Variants in RUNX2 observed in about 807,000 individuals in gnomAD.
RUNX2 encodes the protein runt-related transcription factor 2.
A neutral mutation model predicts 51.7 loss-of-function variants in RUNX2; 10 were observed. The ratio of observed to expected loss-of-function variants is 0.19; its 90% CI spans 0.12 to 0.33. The LOEUF (loss-of-function observed/expected upper bound fraction) is 0.33, where lower values mean the gene tolerates loss of function less well. RUNX2 is among the 10% of genes least tolerant of loss of function. The pLI is 1.00. For missense variants in RUNX2, 562 were observed against 691.3 expected (o/e 0.81, Z 2.10); for synonymous variants, 276 against 273.6 (o/e 1.01, Z -0.09).
intron 2 of RUNX2, among the ~76,000 whole-genome samples, chr6:45,404,959 T>C (rs2150353989): frequency 6.6e-6 from 1 of 152,384 alleles, no homozygotes; most frequent in Admixed American, 6.5e-5. Flanking sequence ...CTTATCCCGG[T>C]TGCTGGAAAA....
intron 2 of RUNX2, among the ~76,000 whole-genome samples, chr6:45,343,233 G>A (rs1303733298): frequency 1.3e-5 from 2 of 152,028 alleles, no homozygotes; most frequent in Non-Finnish European, 2.9e-5. Flanking sequence ...ATCTCAGCCG[G>A]GTGCAGTGGC....
intron 2 of RUNX2, among the ~76,000 whole-genome samples, chr6:45,398,571 T>A (rs971299873): frequency 6.6e-6 from 1 of 152,206 alleles, no homozygotes; most frequent in African/African-American, 2.4e-5. Context: ...TTTTAACAAG[T>A]ATTTCTTGAC....
intron 2 of RUNX2, among the ~76,000 whole-genome samples, chr6:45,342,660 C>T (rs558353693): frequency 6.6e-6 from 1 of 152,088 alleles, no homozygotes; most frequent in Non-Finnish European, 1.5e-5. Context: ...ATTTTGGAAG[C>T]CTTTTTTTTT....
chr6:45,535,132 A>G (rs567968259), intron 7 of RUNX2, among the ~76,000 whole-genome samples: 1 of 152,288 alleles, frequency 6.6e-6, no homozygotes, highest in African/African-American at 2.4e-5. Context: ...AGGATAAATA[A>G]CTAATGGGTG....
At chr6:45,495,060 A>T (rs935644705) in intron 6 of RUNX2, among the ~76,000 whole-genome samples, 1 of 152,176 alleles carries the variant, frequency 6.6e-6, no homozygotes, top group South Asian at 2.1e-4. Flanking sequence ...CTCCAAGGCC[A>T]CTGTGTTATC....
intron 2 of RUNX2, among the ~76,000 whole-genome samples, chr6:45,405,631 A>G (rs1797817913): frequency 6.6e-6 from 1 of 152,206 alleles, no homozygotes. Flanking sequence ...TCTACTGAAA[A>G]TACAAAAATT....
intron 2 of RUNX2, among the ~76,000 whole-genome samples, chr6:45,412,343 G>C (rs985654453): frequency 6.6e-6 from 1 of 151,970 alleles, no homozygotes; most frequent in Admixed American, 6.6e-5. Flanking sequence ...GTGACAGAGA[G>C]AGACCCTGTC....
chr6:45,497,374 C>A (rs1438695900), intron 6 of RUNX2, among the ~76,000 whole-genome samples: 1 of 152,154 alleles, frequency 6.6e-6, no homozygotes, highest in Non-Finnish European at 1.5e-5. Flanking sequence ...AGATTCTGGA[C>A]ACTTCTGCAT....
chr6:45,421,820 C>A (rs1211280182), intron 2 of RUNX2: 2 of 151,916 alleles, frequency 1.3e-5, no homozygotes, highest in African/African-American at 4.8e-5. Context: ...ATTCGTTGCC[C>A]CGAGATCCGC....
chr6:45,436,279 T>C (rs1043706876), intron 4 of RUNX2, among the ~76,000 whole-genome samples: 5 of 152,028 alleles, frequency 3.3e-5, no homozygotes, highest in African/African-American at 7.2e-5. Context: ...CTTAAGGAAG[T>C]GGCCAAGTGA....
intron 5 of RUNX2, among the ~76,000 whole-genome samples, chr6:45,443,618 A>G (rs918665524): frequency 8.5e-5 from 13 of 152,338 alleles, no homozygotes; most frequent in African/African-American, 3.1e-4. Context: ...AATCTAGGGG[A>G]CATTCAAAGA....
At chr6:45,352,130 A>C (rs1792190697) in intron 2 of RUNX2, among the ~76,000 whole-genome samples, 1 of 152,222 alleles carries the variant, frequency 6.6e-6, no homozygotes, top group South Asian at 2.1e-4. Flanking sequence ...TATAAGCAAA[A>C]GAAGTGTACT....
intron 7 of RUNX2, among the ~76,000 whole-genome samples, chr6:45,523,379 ACT>A (rs1220501679): frequency 1.3e-4 from 20 of 151,682 alleles, no homozygotes; most frequent in Non-Finnish European, 2.8e-4. Context: ...GATTCCCCTA[ACT>A]CAGCCTTTCT....
chr6:45,465,802 AT>A (rs36066562), intron 5 of RUNX2, among the ~76,000 whole-genome samples: 1,620 of 139,264 alleles, frequency 0.012, 12 homozygotes, highest in African/African-American at 0.024. Context: ...CGCCTGGCTA[AT>A]TTTTTTTTTT....
intron 8 of RUNX2, among the ~76,000 whole-genome samples, chr6:45,546,085 C>T (rs544447161): frequency 6.6e-6 from 1 of 152,246 alleles, no homozygotes; most frequent in South Asian, 2.1e-4. Flanking sequence ...AGCACCTGGT[C>T]TAAATCAGGT....
chr6:45,500,859 C>G (rs574919933), intron 6 of RUNX2, among the ~76,000 whole-genome samples: 1 of 152,190 alleles, frequency 6.6e-6, no homozygotes, highest in Non-Finnish European at 1.5e-5. Context: ...CACAGGGGAA[C>G]AAGGAAGATG....
In RUNX2 at chr6:45,547,202, C is replaced by T; in HGVS notation, c.1463C>T (p.Pro488Leu). Residue 488 changes from proline (P) to leucine (L), a missense_variant, in exon 9 of 9, where the codon CCT becomes CTT. Transcript: ENST00000647337. ...AGCACGCTATTAAATCCAAATTTGC[C>T]TAACCAGAATGATGGTGTTGACGCT... ...NGSTLLNPNL[P>L]NQNDGVDADG... is the part of the protein sequence containing the mutation. The T allele has an allele frequency of 1.2e-6, 2 of 1,614,186 alleles. No homozygotes were observed. The highest frequency in any genetic ancestry group is 1.1e-5 in the South Asian group (1 of 91,084).
chr6:45,481,806 CACTGCCTAGTTCCATGACTTTAAA>C lies in RUNX2; in HGVS notation c.686-10134_686-10111del, dbSNP rs1186242377. 2.0e-5 allele frequency among the ~76,000 whole-genome samples: 3 copies of C among 152,220 alleles called. No individual in the cohort carries two copies. In the East Asian group the frequency reaches 5.8e-4, roughly 29 times the overall value. On this transcript the variant is annotated intron_variant, in intron 5 of 8. Transcript: ENST00000647337. Reference sequence around the variant, plus strand: ...AGTTTAGGGGACTGCCTCCCAGTGTCACTGCCTAGTTCCATGACTTTAAAGCTAGTCTCAGTATTTTTCTGGGCA... The same window carrying C: ...AGTTTAGGGGACTGCCTCCCAGTGTCGCTAGTCTCAGTATTTTTCTGGGCA...
intron 7 of RUNX2, among the ~76,000 whole-genome samples, chr6:45,535,547 T>C (rs978378084): frequency 8.0e-5 from 12 of 150,492 alleles, no homozygotes; most frequent in Non-Finnish European, 1.5e-4. Flanking sequence ...GAGCTTGCAG[T>C]GAGCCGAGAT....
Sources: gnomAD v4.1 joint callset for allele counts (sites outside exome capture counted in the v4.1 genomes callset) on GRCh38, gnomAD v4.1.1 for gene constraint, MANE v1.5 for transcripts, NCBI Gene and HGNC (gene_info 2026-07-23, HGNC 2026-07-21) for gene names.